The following MED24 variants were observed in gnomAD, a reference collection of about 807,000 sequenced individuals.
MED24 encodes mediator of RNA polymerase II transcription subunit 24.
In MED24, 74 loss-of-function variants were observed where a neutral mutation model predicts 118.8. That is an observed-to-expected ratio of 0.62 (90% CI 0.52 to 0.76). MED24 has a LOEUF of 0.76. MED24 is among the 30% of genes least tolerant of loss of function. The pLI, the probability that MED24 is intolerant of heterozygous loss-of-function variation, is 0.00. For missense variants in MED24, 1,041 were observed against 1,278.9 expected (o/e 0.81, Z 2.84); for synonymous variants, 521 against 523.9 (o/e 0.99, Z 0.08).
chr17:40,034,485 G>A (rs540506803), intron 6 of MED24, among the ~76,000 whole-genome samples: 1 of 152,290 alleles, frequency 6.6e-6, no homozygotes, highest in Admixed American at 6.5e-5. Flanking sequence ...GGGCTTCAAG[G>A]AGCAAGACTA....
At chr17:40,035,037 A>G in intron 6 of MED24, 80 bp downstream of exon 6, 1 of 1,611,332 alleles carries the variant, frequency 6.2e-7, no homozygotes, top group Non-Finnish European at 8.5e-7. Flanking sequence ...GTGGGATGGC[A>G]TCCTGCCTCT....
At chr17:40,036,466 G>A (rs1054791263) in intron 3 of MED24, among the ~76,000 whole-genome samples, 4 of 152,054 alleles carry the variant, frequency 2.6e-5, no homozygotes, top group Admixed American at 6.6e-5. Flanking sequence ...CGAGGCGGGC[G>A]GATCACGAGG....
In MED24 at chr17:40,026,800, C is replaced by A. The variant is rs1031844172; in HGVS notation, c.1710-54G>T. 6 of 1,610,620 alleles carry A rather than the reference C, an allele frequency of 3.7e-6. No homozygotes were observed. In the Admixed American group the frequency reaches 6.7e-5, roughly 18 times the overall value. ...GGGAGCAAGGAACGGGCTCAGGGAG[C>A]GGGTCTTGACCCTGCCCCCACCGCC... On this transcript the variant is annotated intron_variant, in intron 17 of 25. Transcript: ENST00000394128.
chr17:40,041,558 A>G (rs1017975235), intron 3 of MED24, among the ~76,000 whole-genome samples: 4 of 152,174 alleles, frequency 2.6e-5, no homozygotes, highest in Non-Finnish European at 1.5e-5. Flanking sequence ...CCTACCGAGT[A>G]TCCTCTTTTT....
chr17:40,027,025 A>G lies in MED24; in HGVS notation c.1540T>C (p.Ser514Pro). The G allele has an allele frequency of 1.2e-6, 2 of 1,614,032 alleles. No homozygotes were observed. Among genetic ancestry groups the G allele is most frequent in the Non-Finnish European group, 1.7e-6 (2 of 1,179,996 alleles). ...AQTYGSEVIL[S>P]ESRTGAEVPF... ...ACCTCAGCTCCTGTGCGCGACTCGGACAGAATCACCTGGGAAAGGGGAAGG... is the reference window on the plus strand; with the variant it reads ...ACCTCAGCTCCTGTGCGCGACTCGGGCAGAATCACCTGGGAAAGGGGAAGG... The change falls in exon 17 of 26, where the codon TCC becomes CCC. Residue 514 changes from serine (S) to proline (P), a missense_variant. Transcript: ENST00000394128.
chr17:40,053,144 A>C (rs532263313), intron 3 of MED24, among the ~76,000 whole-genome samples, 154 bp downstream of exon 3: 14 of 152,178 alleles, frequency 9.2e-5, no homozygotes, highest in Admixed American at 5.2e-4. Context: ...CATGTTACGC[A>C]GGCTGGTCTT....
Position 40,027,920 on chromosome 17 carries a change from C to A in MED24, c.1436G>T (p.Ser479Ile), listed in dbSNP as rs1289128476. ...CAGGGCTGACTTACTGCTTTCTTCGCTGCCATAGGTTGTGAATTCATTCAA... is the reference window on the plus strand; with the variant it reads ...CAGGGCTGACTTACTGCTTTCTTCGATGCCATAGGTTGTGAATTCATTCAA... ...INLNEFTTYG[S>I]EESTKPASVR... is the part of the protein sequence containing the mutation. The change falls in exon 15 of 26, where the codon AGC becomes ATC. Residue 479 changes from serine (S) to isoleucine (I), a missense_variant. Physicochemically the swap from Ser to Ile is moderately radical, Grantham distance 142. Transcript: ENST00000394128. The A allele has an allele frequency of 6.2e-7, 1 of 1,613,782 alleles. No homozygotes were observed. The highest frequency in any genetic ancestry group is 1.1e-5 in the South Asian group (1 of 91,088).
rs200405107 is a variant in MED24, at chr17:40,031,160, G to A, written c.1153C>T (p.Arg385Cys). 3.2e-6 allele frequency: 5 copies of A among 1,562,458 alleles called. No individual in the cohort carries two copies. Among genetic ancestry groups the A allele is most frequent in the Non-Finnish European group, 4.3e-6 (5 of 1,152,264 alleles). Residue 385 changes from arginine (R) to cysteine (C), a missense_variant and splice_region_variant, in exon 12 of 26, where the codon CGC (arginine) becomes TGC (cysteine). By Grantham distance (180) the Arg-to-Cys change is radical (BLOSUM62 -3). Around this residue, in one of 3 missense-constraint regions of MED24, gnomAD observed 434 missense variants for 514.9 expected, o/e 0.84. Coordinates refer to ENST00000394128, the MANE Select transcript of MED24 (RefSeq NM_014815.4). ...EASVNNLMAK[R>C]KADREHAPQQ... ...TAGCACAGGTGCGTTCACACTTACCGCTTAGCCATAAGGTTGTTGACGCTG... is the reference window on the plus strand; with the variant it reads ...TAGCACAGGTGCGTTCACACTTACCACTTAGCCATAAGGTTGTTGACGCTG...
chr17:40,019,725 G>A lies in MED24; in HGVS notation c.2853+60C>T, dbSNP rs998559020. ...CCCAGGGGGAAGGAGGCCCCTCCCT[G>A]CTCTAAGGGCTGCCCCGAGGCCCCA... On this transcript the variant is annotated intron_variant, in intron 25 of 25. Transcript: ENST00000394128. 1.9e-6 allele frequency: 3 copies of A among 1,596,776 alleles called. No individual in the cohort carries two copies. The African/African-American group carries it at 4.0e-5, about 21-fold the overall frequency.
intron 3 of MED24, among the ~76,000 whole-genome samples, chr17:40,047,561 C>T (rs535014660): frequency 1.8e-4 from 28 of 151,870 alleles, no homozygotes; most frequent in African/African-American, 6.8e-4. Flanking sequence ...ACTCCGGAGG[C>T]TGAGGCAGGA....
intron 19 of MED24, 135 bp from the exon 20 acceptor site, chr17:40,023,530 G>GCTGGGGGAC (rs1982291669): frequency 1.2e-6 from 1 of 851,120 alleles, no homozygotes; most frequent in African/African-American, 1.7e-5. Flanking sequence ...CCAGTTTTGC[G>GCTGGGGGAC]CTGGGGGACG....
At chr17:40,032,873 A>C in intron 8 of MED24, 111 bp from the exon 9 acceptor site, 3 of 1,318,314 alleles carry the variant, frequency 2.3e-6, no homozygotes, top group Non-Finnish European at 3.2e-6. Flanking sequence ...GTCACTGCTC[A>C]GCTATGTGCT....
intron 3 of MED24, among the ~76,000 whole-genome samples, chr17:40,041,249 TC>T (rs35159686): frequency 1.3e-5 from 2 of 152,120 alleles, no homozygotes; most frequent in African/African-American, 4.8e-5. Flanking sequence ...CTTGAAACAT[TC>T]CCTCACCCCT....
intron 3 of MED24, among the ~76,000 whole-genome samples, chr17:40,048,252 G>A (rs1039501614): frequency 3.9e-5 from 6 of 152,124 alleles, no homozygotes; most frequent in African/African-American, 1.2e-4. Context: ...CTAAAGGTAC[G>A]GTTCAGGAAC....
intron 3 of MED24, among the ~76,000 whole-genome samples, chr17:40,039,941 G>A (rs1183080151): frequency 1.3e-5 from 2 of 151,198 alleles, no homozygotes; most frequent in Non-Finnish European, 2.9e-5. Flanking sequence ...CCACCACCAC[G>A]CCCGGCTAAT....
chr17:40,028,109 T>TTTTTG, intron 14 of MED24, 163 bp from the exon 15 acceptor site: 1 of 723,766 alleles, frequency 1.4e-6, no homozygotes, highest in Non-Finnish European at 2.3e-6. Flanking sequence ...TGGTTTTTGT[T>TTTTTG]TTTTGTTTTT....
chr17:40,019,479 G>T lies in MED24; in HGVS notation c.*50C>A, dbSNP rs1021258390. The T allele has an allele frequency of 6.7e-7, 1 of 1,500,172 alleles. No individual in the cohort carries two copies. The highest frequency in any genetic ancestry group is 9.2e-7 in the Non-Finnish European group (1 of 1,084,568). 92.9% of individuals were successfully genotyped at this position (1,500,172 alleles called of 1,614,324 possible). A position where few individuals can be genotyped will look rare whatever the true frequency, so the allele number is the denominator to read the frequency against. On this transcript the variant is annotated 3_prime_UTR_variant, in exon 26 of 26. Transcript: ENST00000394128. Reference sequence around the variant, plus strand: ...TTTCCTCACTGCTTCCCTTGGAGGCGCCTGGGGCTGCGCCAGTCCCCAGCC... The same window carrying T: ...TTTCCTCACTGCTTCCCTTGGAGGCTCCTGGGGCTGCGCCAGTCCCCAGCC...
At position 40,022,064 on chromosome 17, in the gene MED24, G is replaced by A. The variant is rs1364101185; in HGVS notation, c.2524-10C>T. Reference sequence around the variant, plus strand: ...AGAGGCTGATATAATCCTAGAGGGAGTGAAAGTCACTGTTATACACCCCTA... The same window carrying A: ...AGAGGCTGATATAATCCTAGAGGGAATGAAAGTCACTGTTATACACCCCTA... On this transcript the variant is annotated splice_polypyrimidine_tract_variant and intron_variant, in intron 22 of 25. Transcript: ENST00000394128. 6.3e-7 allele frequency: 1 copy of A among 1,583,336 alleles called. No individual in the cohort carries two copies. Among genetic ancestry groups the A allele is most frequent in the Non-Finnish European group, 8.6e-7 (1 of 1,162,644 alleles).
At chr17:40,029,129 T>TC in intron 13 of MED24, 161 bp from the exon 14 acceptor site, 1 of 911,704 alleles carries the variant, frequency 1.1e-6, no homozygotes, top group Non-Finnish European at 1.6e-6. Context: ...TGCTCTCCGA[T>TC]CCATCCCTCT....
Sources: gnomAD v4.1 joint callset for allele counts (sites outside exome capture counted in the v4.1 genomes callset) on GRCh38, gnomAD v4.1.1 for gene constraint, gnomAD v4.1.1 regional missense constraint, MANE v1.5 for transcripts, NCBI Gene and HGNC (gene_info 2026-07-23, HGNC 2026-07-21) for gene names.